The following FHIT variants were observed in gnomAD, a reference collection of about 807,000 sequenced individuals.
The protein encoded by FHIT is fragile histidine triad diadenosine triphosphatase, also known as bis(5'-adenosyl)-triphosphatase.
Under a neutral mutation model 17.9 loss-of-function variants are expected in FHIT, and 19 were observed. The ratio of observed to expected loss-of-function variants is 1.06; its 90% confidence interval spans 0.74 to 1.56. The LOEUF is 1.56. Ranked by LOEUF, FHIT falls within the 40% of genes most tolerant of loss-of-function variation. The probability of loss-of-function intolerance (pLI) is 0.00; values close to 1 mark genes in which losing one functional copy is unlikely to be tolerated. For missense variants in FHIT, 248 were observed against 189.2 expected (o/e 1.31, Z -1.82); for synonymous variants, 81 against 69.7 (o/e 1.16, Z -0.81).
At chr3:60,891,048 A>C (rs1277108436) in intron 3 of FHIT, among the ~76,000 whole-genome samples, 3 of 152,200 alleles carry the variant, frequency 2.0e-5, no homozygotes, top group Non-Finnish European at 4.4e-5. Flanking sequence ...TTGATGCCAA[A>C]GACACTGCCT....
chr3:60,866,318 T>C (rs1553753843), intron 3 of FHIT, among the ~76,000 whole-genome samples: 4 of 152,204 alleles, frequency 2.6e-5, no homozygotes. Flanking sequence ...CAGAAATGTA[T>C]GACTTCTGTG....
At chr3:60,449,650 T>C (rs1334673183) in intron 5 of FHIT, among the ~76,000 whole-genome samples, 2 of 152,000 alleles carry the variant, frequency 1.3e-5, no homozygotes, top group African/African-American at 4.8e-5. Context: ...ATACTGTAGG[T>C]AATTGTAACA....
intron 2 of FHIT, among the ~76,000 whole-genome samples, chr3:61,189,434 G>C (rs148332642): frequency 0.078 from 11,875 of 152,046 alleles, 1,087 homozygotes; most frequent in East Asian, 0.42. Flanking sequence ...AAATAAAAGA[G>C]GATACAAACA....
At chr3:60,416,876 G>A (rs1202713360) in intron 5 of FHIT, among the ~76,000 whole-genome samples, 2 of 152,050 alleles carry the variant, frequency 1.3e-5, no homozygotes, top group African/African-American at 4.8e-5. Flanking sequence ...CACGAGGTCA[G>A]GAGAGCGAGA....
intron 8 of FHIT, among the ~76,000 whole-genome samples, chr3:59,844,952 T>C (rs375133194): frequency 3.3e-4 from 50 of 152,322 alleles, no homozygotes; most frequent in African/African-American, 1.2e-3. Flanking sequence ...AGGAGATTAC[T>C]GATCACTGAT....
At chr3:60,206,171 A>AATAATAATAATAATT (rs1559727175) in intron 5 of FHIT, among the ~76,000 whole-genome samples, 2 of 143,936 alleles carry the variant, frequency 1.4e-5, no homozygotes, top group Admixed American at 6.9e-5. Context: ...TAATAATAAT[A>AATAATAATAATAATT]ATTATAACAC....
chr3:60,478,752 A>AT (rs1377165091), intron 5 of FHIT, among the ~76,000 whole-genome samples: 2 of 152,260 alleles, frequency 1.3e-5, no homozygotes, highest in South Asian at 2.1e-4. Context: ...AAGGTGCTCC[A>AT]TTTTTTTGCA....
At chr3:60,627,903 G>T (rs1401252932) in intron 4 of FHIT, among the ~76,000 whole-genome samples, 1 of 151,994 alleles carries the variant, frequency 6.6e-6, no homozygotes, top group African/African-American at 2.4e-5. Context: ...AGTTTTCTCT[G>T]GTTTGTTCAT....
chr3:60,990,877 T>G (rs912480908), intron 3 of FHIT, among the ~76,000 whole-genome samples: 72 of 152,330 alleles, frequency 4.7e-4, no homozygotes, highest in African/African-American at 1.5e-3. Flanking sequence ...TACACAGACC[T>G]TTGAAAACAT....
chr3:60,296,920 G>T (rs1381136989), intron 5 of FHIT, among the ~76,000 whole-genome samples: 17 of 93,694 alleles, frequency 1.8e-4, no homozygotes, highest in African/African-American at 5.4e-4. Context: ...TTTTATTTTT[G>T]CAAAAAAAAA....
intron 5 of FHIT, among the ~76,000 whole-genome samples, chr3:60,302,444 C>G (rs916430545): frequency 1.3e-5 from 2 of 152,210 alleles, no homozygotes; most frequent in African/African-American, 2.4e-5. Context: ...CAACTAAATA[C>G]TTGATTCTAT....
At chr3:60,464,767 G>T (rs569050738) in intron 5 of FHIT, among the ~76,000 whole-genome samples, 1 of 152,176 alleles carries the variant, frequency 6.6e-6, no homozygotes, top group East Asian at 1.9e-4. Flanking sequence ...CTCTGTTAGG[G>T]ACACTTAGGT....
At chr3:61,041,339 T>C (rs1181594506) in intron 3 of FHIT, among the ~76,000 whole-genome samples, 2 of 151,522 alleles carry the variant, frequency 1.3e-5, no homozygotes, top group Non-Finnish European at 2.9e-5. Context: ...ATCACGCCAC[T>C]GCACTGCAGC....
At chr3:60,143,345 G>T (rs1197774825) in intron 5 of FHIT, among the ~76,000 whole-genome samples, 2 of 152,120 alleles carry the variant, frequency 1.3e-5, no homozygotes, top group African/African-American at 4.8e-5. Context: ...AGAAGTGACA[G>T]TGCATCTTCA....
chr3:60,792,562 A>G (rs1559726570), intron 4 of FHIT, among the ~76,000 whole-genome samples: 1 of 152,206 alleles, frequency 6.6e-6, no homozygotes, highest in Non-Finnish European at 1.5e-5. Flanking sequence ...TCACACTGAC[A>G]ACCAGCAGAC....
chr3:60,449,989 T>C (rs1255236435), intron 5 of FHIT, among the ~76,000 whole-genome samples: 2 of 107,870 alleles, frequency 1.9e-5, no homozygotes, highest in African/African-American at 8.4e-5. Context: ...GCGACAGAGC[T>C]AGACTCTGTC....
At chr3:60,824,562 T>C (rs909739132) in intron 3 of FHIT, among the ~76,000 whole-genome samples, 2 of 152,164 alleles carry the variant, frequency 1.3e-5, no homozygotes, top group African/African-American at 2.4e-5. Flanking sequence ...CAATGGACCA[T>C]GGACATAAGA....
At chr3:60,600,524 A>G (rs2038409485) in intron 4 of FHIT, among the ~76,000 whole-genome samples, 1 of 152,306 alleles carries the variant, frequency 6.6e-6, no homozygotes, top group East Asian at 1.9e-4. Context: ...TATAAAACCA[A>G]TAAAGTGGTA....
intron 4 of FHIT, among the ~76,000 whole-genome samples, chr3:60,631,073 G>C (rs782209928): frequency 6.6e-5 from 10 of 151,892 alleles, no homozygotes; most frequent in Non-Finnish European, 1.2e-4. Flanking sequence ...AGATAACTTT[G>C]AAGATTTTAT....
Sources: gnomAD v4.1 joint callset for allele counts (sites outside exome capture counted in the v4.1 genomes callset) on GRCh38, gnomAD v4.1.1 for gene constraint, MANE v1.5 for transcripts, NCBI Gene and HGNC (gene_info 2026-07-23, HGNC 2026-07-21) for gene names.